Variants in DDX18 observed in about 807,000 individuals in gnomAD.
The protein encoded by DDX18 is ATP-dependent RNA helicase DDX18.
In DDX18, 23 loss-of-function variants were observed where a neutral mutation model predicts 73.5. The observed-to-expected ratio is 0.31, with a 90% CI of 0.23 to 0.44. The LOEUF (loss-of-function observed/expected upper bound fraction) is 0.44, where lower values mean the gene tolerates loss of function less well. DDX18 is among the 20% of genes least tolerant of loss of function. DDX18 has a pLI of 1.00. For missense variants in DDX18, 753 were observed against 792.9 expected (o/e 0.95, Z 0.60); for synonymous variants, 268 against 282.7 (o/e 0.95, Z 0.52).
chr2:117,832,171 T>C lies in DDX18; in HGVS notation c.*1447T>C. The C allele has an allele frequency of 6.6e-6, 1 of 152,182 alleles. No individual in the cohort carries two copies. Among genetic ancestry groups the C allele is most frequent in the Non-Finnish European group, 1.5e-5 (1 of 68,036 alleles). 9.4% of individuals were successfully genotyped at this position (152,182 alleles called of 1,614,324 possible). A position where few individuals can be genotyped will look rare whatever the true frequency, so the allele number is the denominator to read the frequency against. Reference sequence around the variant, plus strand: ...ATTTTTTTTTTCAGAAATAATGTTTTTTAAAAGACAAAAACAAAGGGAAGA... The same window carrying C: ...ATTTTTTTTTTCAGAAATAATGTTTCTTAAAAGACAAAAACAAAGGGAAGA... On this transcript the variant is annotated 3_prime_UTR_variant, in exon 14 of 14. Transcript: ENST00000263239.
intron 3 of DDX18, 99 bp downstream of exon 3, chr2:117,819,891 GAAA>G: frequency 8.3e-7 from 1 of 1,204,236 alleles, no homozygotes; most frequent in Non-Finnish European, 1.1e-6. Context: ...CAGTTTACCT[GAAA>G]AAAGTAACTA....
At chr2:117,815,126 G>C in intron 1 of DDX18, 1 of 506,276 alleles carries the variant, frequency 2.0e-6, no homozygotes, top group Non-Finnish European at 3.6e-6. Flanking sequence ...TCACTTCTAG[G>C]CTTACGACTA....
chr2:117,817,749 A>T (rs753587123), intron 2 of DDX18, 21 bp downstream of exon 2: 1 of 1,572,482 alleles, frequency 6.4e-7, no homozygotes, highest in Non-Finnish European at 8.6e-7. Context: ...ATTATCTTTG[A>T]ACTTCAGCCA....
intron 1 of DDX18, among the ~76,000 whole-genome samples, chr2:117,816,560 C>T (rs1679761806): frequency 6.6e-6 from 1 of 152,180 alleles, no homozygotes; most frequent in Non-Finnish European, 1.5e-5. Flanking sequence ...CCTATGATAA[C>T]AGTGCCTTCT....
At chr2:117,820,042 A>G (rs1350213284) in intron 3 of DDX18, among the ~76,000 whole-genome samples, 1 of 152,134 alleles carries the variant, frequency 6.6e-6, no homozygotes, top group East Asian at 1.9e-4. Context: ...GCACACTAGC[A>G]GCTTCTAGGA....
intron 2 of DDX18, 98 bp downstream of exon 2, chr2:117,817,826 T>A (rs1375286904): frequency 1.6e-6 from 2 of 1,279,572 alleles, no homozygotes; most frequent in Non-Finnish European, 2.2e-6. Context: ...ACATGAGAAT[T>A]CCCTGTACTC....
chr2:117,819,809 T>C lies in DDX18; in HGVS notation c.514+17T>C. ...GACTGACAGGTAACGTCCAGGAAGT[T>C]TTCTAGAGGTAACTTCTTTAAAATG... On this transcript the variant is annotated intron_variant, in intron 3 of 13. Transcript: ENST00000263239. 1 of 1,546,082 alleles carries C rather than the reference T, an allele frequency of 6.5e-7. No individual in the cohort carries two copies. Among genetic ancestry groups the C allele is most frequent in the Non-Finnish European group, 8.7e-7 (1 of 1,151,182 alleles).
chr2:117,816,915 C>T (rs1558731261), intron 1 of DDX18, among the ~76,000 whole-genome samples: 1 of 152,182 alleles, frequency 6.6e-6, no homozygotes, highest in Non-Finnish European at 1.5e-5. Flanking sequence ...TGTCATTGTG[C>T]ACGCATTACT....
chr2:117,817,661 GT>G lies in DDX18; in HGVS notation c.304del (p.Ser102LeufsTer17), dbSNP rs1679782269. ...TAACCAATGGAGAAGCAGCAATGCA[GT>G]CTTCCAATTCAGAATCAAAAAAGAA... ...VLTNGEAAMQ[S>X]SNSESKKKKK... On this transcript the variant is annotated frameshift_variant, in exon 2 of 14. Transcript: ENST00000263239. LOFTEE classifies it high-confidence loss of function. 6.2e-7 allele frequency: 1 copy of G among 1,612,230 alleles called. No individual in the cohort carries two copies. The highest frequency in any genetic ancestry group is 8.5e-7 in the Non-Finnish European group (1 of 1,179,566).
At chr2:117,829,053 C>T in intron 12 of DDX18, 48 bp downstream of exon 12, 2 of 1,496,426 alleles carry the variant, frequency 1.3e-6, no homozygotes, top group Non-Finnish European at 1.9e-6. Flanking sequence ...CTTGTCCCAG[C>T]ACTCTGTTTG....
At position 117,821,206 on chromosome 2, in the gene DDX18, A is replaced by G. The variant is rs371138301; in HGVS notation, c.560A>G (p.Asn187Ser). ...TTTGCTTCTCTATGTAATCTTGTCA[A>G]TGAAAACACTCTGAAGGCAATAAAA... ...TSFASLCNLV[N>S]ENTLKAIKEM... Residue 187 changes from asparagine (N) to serine (S), a missense_variant, in exon 4 of 14, where the codon AAT (asparagine) becomes AGT (serine). Around this residue, in one of 3 missense-constraint regions of DDX18, gnomAD observed 345 missense variants for 352.0 expected, o/e 0.98. Transcript: ENST00000263239. 2.9e-5 allele frequency: 47 copies of G among 1,609,328 alleles called. No homozygotes were observed. The highest frequency in any genetic ancestry group is 8.4e-5 in the Admixed American group (5 of 59,314).
At chr2:117,819,982 G>A (rs1679820710) in intron 3 of DDX18, among the ~76,000 whole-genome samples, 190 bp downstream of exon 3, 2 of 152,044 alleles carry the variant, frequency 1.3e-5, no homozygotes, top group Non-Finnish European at 2.9e-5. Flanking sequence ...AGTTCTTTTT[G>A]TTCCCTGTTT....
chr2:117,823,209 C>G (rs1199856397), intron 7 of DDX18, among the ~76,000 whole-genome samples: 3 of 152,046 alleles, frequency 2.0e-5, no homozygotes, highest in Admixed American at 1.3e-4. Context: ...CAGTTTCTCC[C>G]CCTTCCCTCC....
intron 11 of DDX18, 140 bp downstream of exon 11, chr2:117,826,522 T>C (rs1679930813): frequency 1.3e-6 from 1 of 761,324 alleles, no homozygotes; most frequent in Non-Finnish European, 2.1e-6. Context: ...AGTAAGGTTT[T>C]ATGTACTTCT....
At chr2:117,819,185 C>T (rs1679805594) in intron 2 of DDX18, among the ~76,000 whole-genome samples, 1 of 152,120 alleles carries the variant, frequency 6.6e-6, no homozygotes. Context: ...CCTGCCTTTC[C>T]TCCCACCCTC....
chr2:117,830,026 G>C (rs1679995078), intron 13 of DDX18, among the ~76,000 whole-genome samples: 1 of 152,202 alleles, frequency 6.6e-6, no homozygotes, highest in Non-Finnish European at 1.5e-5. Context: ...CCTTTCAGAA[G>C]AAGAAACTGA....
In DDX18 at chr2:117,831,988, G is replaced by A. The variant is rs1383242622; in HGVS notation, c.*1264G>A. Reference sequence around the variant, plus strand: ...AAACTGGTAAAGAACATTCCAGTAGGAAAAGAAAAGAACAATCTTCCATTT... The same window carrying A: ...AAACTGGTAAAGAACATTCCAGTAGAAAAAGAAAAGAACAATCTTCCATTT... On this transcript the variant is annotated 3_prime_UTR_variant, in exon 14 of 14. Transcript: ENST00000263239. 1 of 152,202 alleles carries A rather than the reference G, an allele frequency of 6.6e-6. No individual in the cohort carries two copies. The highest frequency in any genetic ancestry group is 1.9e-4 in the East Asian group (1 of 5,196). The allele number at this position is 152,202 out of a possible 1,614,324, so 9.4% of individuals were successfully genotyped here.
intron 1 of DDX18, 42 bp downstream of exon 1, chr2:117,814,904 C>G (rs371634036): frequency 1.2e-5 from 20 of 1,607,922 alleles, no homozygotes; most frequent in Non-Finnish European, 1.7e-5. Context: ...GACCCACGCG[C>G]GAGCCCTGGC....
Position 117,821,938 on chromosome 2 carries a change from T to A in DDX18, c.828T>A (p.Thr276=), listed in dbSNP as rs765987727. ...QTFGVLKELM[T]HHVHTYGLIM... is the part of the protein sequence containing the mutation. ...TTGGTGTTCTTAAGGAGCTGATGAC[T>A]CACCACGTGCATACCTATGGCTTGA... The change falls in exon 6 of 14, where the codon ACT becomes ACA. Residue 276 remains threonine (T), a synonymous_variant. Coordinates refer to ENST00000263239, the MANE Select transcript of DDX18 (RefSeq NM_006773.4). 9.3e-6 allele frequency: 15 copies of A among 1,613,944 alleles called. No individual in the cohort carries two copies. The highest frequency in any genetic ancestry group is 2.5e-6 in the Non-Finnish European group (3 of 1,179,962).
Sources: gnomAD v4.1 joint callset for allele counts (sites outside exome capture counted in the v4.1 genomes callset) on GRCh38, gnomAD v4.1.1 for gene constraint, gnomAD v4.1.1 regional missense constraint, MANE v1.5 for transcripts, NCBI Gene and HGNC (gene_info 2026-07-23, HGNC 2026-07-21) for gene names.